Variants in BAZ1B observed in about 807,000 individuals in gnomAD.
BAZ1B encodes the protein tyrosine-protein kinase BAZ1B.
BAZ1B carries 22 observed loss-of-function variants against 153.8 expected under a neutral mutation model. The ratio of observed to expected loss-of-function variants is 0.14; its 90% CI spans 0.10 to 0.20. The LOEUF is 0.20. Ranked by LOEUF, BAZ1B falls within the 10% of genes least tolerant of loss-of-function variation. The pLI, the probability that BAZ1B is intolerant of heterozygous loss-of-function variation, is 1.00. For synonymous variants in BAZ1B, 676 were observed against 633.4 expected (o/e 1.07, Z -1.01); for missense variants, 1,325 against 1,799.3 (o/e 0.74, Z 4.77).
At chr7:73,509,470 A>C (rs1008274790) in intron 2 of BAZ1B, among the ~76,000 whole-genome samples, 1 of 152,196 alleles carries the variant, frequency 6.6e-6, no homozygotes, top group African/African-American at 2.4e-5. Context: ...AGTGGGTCCC[A>C]GCACTTTGAA....
At chr7:73,452,867 G>C (rs1390004100) in intron 13 of BAZ1B, among the ~76,000 whole-genome samples, 3 of 152,090 alleles carry the variant, frequency 2.0e-5, no homozygotes, top group Non-Finnish European at 2.9e-5. Context: ...CCTAAATTCA[G>C]GAGCATCTGT....
chr7:73,445,247 C>A (rs1409885245), intron 16 of BAZ1B, among the ~76,000 whole-genome samples: 1 of 152,160 alleles, frequency 6.6e-6, no homozygotes, highest in African/African-American at 2.4e-5. Context: ...TCCAGAAACA[C>A]TACTTTCCAT....
At chr7:73,507,728 A>G (rs1168781625) in intron 3 of BAZ1B, among the ~76,000 whole-genome samples, 3 of 152,226 alleles carry the variant, frequency 2.0e-5, no homozygotes, top group Non-Finnish European at 2.9e-5. Context: ...GCCAAGAGTG[A>G]TGGCACATGC....
chr7:73,494,660 G>A (rs1473224187), intron 4 of BAZ1B, among the ~76,000 whole-genome samples: 3 of 151,888 alleles, frequency 2.0e-5, no homozygotes, highest in African/African-American at 7.3e-5. Flanking sequence ...GAGGCAGGAG[G>A]ATCACTTGAG....
intron 5 of BAZ1B, 35 bp downstream of exon 5, chr7:73,492,765 A>G (rs200447541): frequency 7.7e-6 from 12 of 1,549,390 alleles, no homozygotes; most frequent in Non-Finnish European, 1.0e-5. Flanking sequence ...CTTAAAGAAC[A>G]TCTATCACAT....
At chr7:73,459,799 T>C in intron 12 of BAZ1B, 81 bp from the exon 13 acceptor site, 1 of 1,271,930 alleles carries the variant, frequency 7.9e-7, no homozygotes, top group Non-Finnish European at 1.1e-6. Flanking sequence ...TTCAAATAAA[T>C]CTAGACTCAA....
At chr7:73,520,002 G>A (rs1790970831) in intron 1 of BAZ1B, among the ~76,000 whole-genome samples, 1 of 152,162 alleles carries the variant, frequency 6.6e-6, no homozygotes, top group African/African-American at 2.4e-5. Context: ...GAGGTCAGGA[G>A]TTTGAGACCA....
chr7:73,517,187 A>G (rs71556717), intron 1 of BAZ1B, among the ~76,000 whole-genome samples: 32 of 150,836 alleles, frequency 2.1e-4, no homozygotes, highest in African/African-American at 7.6e-4. Flanking sequence ...CAGCTCAAAA[A>G]CAAAAAAAAA....
intron 3 of BAZ1B, among the ~76,000 whole-genome samples, chr7:73,505,000 C>A (rs1554577577): frequency 6.6e-6 from 1 of 152,166 alleles, no homozygotes; most frequent in Non-Finnish European, 1.5e-5. Context: ...CAAGTACTGG[C>A]TATTGTAGCA....
intron 2 of BAZ1B, among the ~76,000 whole-genome samples, chr7:73,510,087 C>G (rs1309317244): frequency 6.8e-6 from 1 of 147,650 alleles, no homozygotes; most frequent in Non-Finnish European, 1.5e-5. Context: ...AAATCGTGCC[C>G]CTGCATTCCA....
chr7:73,453,861 C>G (rs1424857951), intron 13 of BAZ1B, among the ~76,000 whole-genome samples: 2 of 151,944 alleles, frequency 1.3e-5, no homozygotes, highest in African/African-American at 4.8e-5. Context: ...TGCCTGTGGT[C>G]CCAGTTACTT....
At chr7:73,513,663 ACAGAGGAGGAAT>A (rs1163868182) in intron 1 of BAZ1B, among the ~76,000 whole-genome samples, 1 of 152,158 alleles carries the variant, frequency 6.6e-6, no homozygotes, top group Non-Finnish European at 1.5e-5. Context: ...TAAAATAAGG[ACAGAGGAGGAAT>A]CAGTAAGTGG....
Position 73,466,284 on chromosome 7 carries a change from T to C in BAZ1B, c.2972+12A>G, listed in dbSNP as rs186853770. 1.0e-5 allele frequency: 16 copies of C among 1,572,380 alleles called. No individual in the cohort carries two copies. Among genetic ancestry groups the C allele is most frequent in the Non-Finnish European group, 1.4e-5 (16 of 1,143,598 alleles). On this transcript the variant is annotated intron_variant, in intron 10 of 19. Transcript: ENST00000339594. Reference sequence around the variant, plus strand: ...GAAAAAGAAAGAGCAACCAGATGAATGCTCACATTACCATAGGTTCTGTCC... The same window carrying C: ...GAAAAAGAAAGAGCAACCAGATGAACGCTCACATTACCATAGGTTCTGTCC...
intron 15 of BAZ1B, among the ~76,000 whole-genome samples, chr7:73,447,873 C>T (rs1351698665): frequency 2.0e-5 from 3 of 152,188 alleles, no homozygotes; most frequent in Non-Finnish European, 4.4e-5. Context: ...CAGTGGTAAT[C>T]CCAGCTCGGA....
Position 73,509,120 on chromosome 7 carries a change from A to G in BAZ1B, c.225-649T>C, listed in dbSNP as rs964226461. Among the ~76,000 whole-genome samples the G allele has an allele frequency of 3.9e-5, 6 of 152,216 alleles. No homozygotes were observed. In the East Asian group the frequency reaches 1.2e-3, roughly 29 times the overall value. On this transcript the variant is annotated intron_variant, in intron 2 of 19. Transcript: ENST00000339594. ...GCAGATCACCTGAGGTCAGGAGTTC[A>G]AGGCCAGCCTGGCCAACATGGCGAA...
rs1388849544 is a variant in BAZ1B at position 73,490,425 on chromosome 7, G to GAGCT, written c.694-1038_694-1035dup. On this transcript the variant is annotated intron_variant, in intron 5 of 19. Transcript: ENST00000339594. ...AAATTTTTTTTAAAAAGTCACTTAG[G>GAGCT]AGCTACCTACCATTCACTAAATCTA... Among the ~76,000 whole-genome samples the GAGCT allele has an allele frequency of 2.0e-5, 3 of 152,144 alleles. No individual in the cohort carries two copies. In the South Asian group the frequency reaches 6.2e-4, roughly 32 times the overall value.
At chr7:73,504,931 A>C (rs1790275272) in intron 3 of BAZ1B, among the ~76,000 whole-genome samples, 1 of 152,224 alleles carries the variant, frequency 6.6e-6, no homozygotes, top group Admixed American at 6.5e-5. Context: ...TAAATTATTG[A>C]AACAAAGAAA....
intron 10 of BAZ1B, among the ~76,000 whole-genome samples, chr7:73,465,748 T>A (rs939968818): frequency 2.6e-5 from 4 of 152,176 alleles, no homozygotes; most frequent in Non-Finnish European, 5.9e-5. Flanking sequence ...GCCAATATGG[T>A]TCCTATTAAA....
rs141782888 is a variant in BAZ1B, at chr7:73,482,313, T to C, written c.892-3744A>G. Among the ~76,000 whole-genome samples, 656 of 152,274 alleles carry C rather than the reference T, an allele frequency of 4.3e-3. 4 individuals carry two copies. Among genetic ancestry groups the C allele is most frequent in the Middle Eastern group, 0.027 (8 of 292 alleles). On this transcript the variant is annotated intron_variant, in intron 6 of 19. Coordinates refer to ENST00000339594, the MANE Select transcript of BAZ1B (RefSeq NM_032408.4). ...ATTACTATCAGTACTCCAAAGAGAATATGGCAGAGACCATCCAAATTGCAG... is the reference window on the plus strand; with the variant it reads ...ATTACTATCAGTACTCCAAAGAGAACATGGCAGAGACCATCCAAATTGCAG...
Sources: gnomAD v4.1 joint callset for allele counts (sites outside exome capture counted in the v4.1 genomes callset) on GRCh38, gnomAD v4.1.1 for gene constraint, MANE v1.5 for transcripts, NCBI Gene and HGNC (gene_info 2026-07-23, HGNC 2026-07-21) for gene names.